KCNH8: variants seen among roughly 807,000 people sequenced by gnomAD.
KCNH8 encodes potassium voltage-gated channel subfamily H member 8, also known as voltage-gated delayed rectifier potassium channel KCNH8.
A neutral mutation model predicts 103.6 loss-of-function variants in KCNH8; 70 were observed. The ratio of observed to expected loss-of-function variants is 0.68; its 90% CI spans 0.56 to 0.82. The LOEUF (loss-of-function observed/expected upper bound fraction) is 0.82, where lower values mean the gene tolerates loss of function less well. KCNH8 is among the 40% of genes least tolerant of loss of function. The pLI, the probability that KCNH8 is intolerant of heterozygous loss-of-function variation, is 0.00. For synonymous variants in KCNH8, 498 were observed against 489.4 expected (o/e 1.02, Z -0.23); for missense variants, 1,217 against 1,329.9 (o/e 0.92, Z 1.32).
At chr3:19,181,441 G>C (rs913361208) in intron 1 of KCNH8, among the ~76,000 whole-genome samples, 1 of 151,988 alleles carries the variant, frequency 6.6e-6, no homozygotes, top group Middle Eastern at 3.4e-3. Context: ...AACAAGCTTG[G>C]GTTTCTGAAT....
chr3:19,449,010 T>C (rs1042815196), intron 8 of KCNH8: 10 of 1,272,156 alleles, frequency 7.9e-6, no homozygotes, highest in Non-Finnish European at 1.0e-5. Context: ...TGCTAATGAC[T>C]AGTGAGTGCA....
intron 11 of KCNH8, among the ~76,000 whole-genome samples, chr3:19,464,306 T>A (rs2067692465): frequency 1.3e-5 from 2 of 152,130 alleles, no homozygotes; most frequent in African/African-American, 4.8e-5. Flanking sequence ...TATCAATTAA[T>A]GATGATGTAT....
chr3:19,273,889 T>A (rs2064625531), intron 2 of KCNH8, among the ~76,000 whole-genome samples: 1 of 152,218 alleles, frequency 6.6e-6, no homozygotes, highest in Non-Finnish European at 1.5e-5. Context: ...CTAAAATAGC[T>A]GAATCTTGTT....
chr3:19,223,817 A>T (rs1201326546), intron 1 of KCNH8, among the ~76,000 whole-genome samples: 1 of 152,108 alleles, frequency 6.6e-6, no homozygotes. Context: ...TGGGGGGGAA[A>T]TTTAAAAAGT....
intron 5 of KCNH8, among the ~76,000 whole-genome samples, chr3:19,375,880 G>C (rs1352468319): frequency 2.6e-5 from 4 of 152,154 alleles, no homozygotes; most frequent in Non-Finnish European, 5.9e-5. Context: ...AGGTGTCAGT[G>C]TGCCCTTGCT....
intron 1 of KCNH8, among the ~76,000 whole-genome samples, chr3:19,226,948 C>T (rs1312724249): frequency 4.6e-5 from 7 of 152,202 alleles, no homozygotes; most frequent in Non-Finnish European, 8.8e-5. Context: ...GTCCACTAGA[C>T]CTCAAGACTT....
intron 1 of KCNH8, among the ~76,000 whole-genome samples, chr3:19,235,351 A>T (rs192966789): frequency 6.6e-6 from 1 of 151,824 alleles, no homozygotes; most frequent in Non-Finnish European, 1.5e-5. Context: ...TGCTGTTTAT[A>T]TACACAAAAA....
chr3:19,356,830 C>T (rs1237457137), intron 5 of KCNH8, among the ~76,000 whole-genome samples: 1 of 151,778 alleles, frequency 6.6e-6, no homozygotes, highest in Non-Finnish European at 1.5e-5. Context: ...TTTCACTCAA[C>T]TTGCTTTTCT....
intron 1 of KCNH8, among the ~76,000 whole-genome samples, chr3:19,156,344 A>G (rs1483964595): frequency 6.6e-6 from 1 of 152,166 alleles, no homozygotes; most frequent in Non-Finnish European, 1.5e-5. Context: ...CTACTATATC[A>G]TACTGCCTCT....
chr3:19,292,191 T>C (rs1194757893), intron 3 of KCNH8, among the ~76,000 whole-genome samples: 2 of 152,232 alleles, frequency 1.3e-5, no homozygotes, highest in African/African-American at 4.8e-5. Context: ...TGCTTTGGAA[T>C]GTTGGTTGAT....
chr3:19,413,454 G>A (rs2066813677), intron 7 of KCNH8, among the ~76,000 whole-genome samples: 1 of 151,982 alleles, frequency 6.6e-6, no homozygotes, highest in African/African-American at 2.4e-5. Context: ...CGTGGGTGAT[G>A]GGATTATTCA....
intron 1 of KCNH8, among the ~76,000 whole-genome samples, chr3:19,192,292 A>G (rs1051315737): frequency 6.6e-6 from 1 of 151,702 alleles, no homozygotes; most frequent in African/African-American, 2.4e-5. Context: ...CTACTTTGAT[A>G]GAATGTACTC....
chr3:19,276,166 A>G (rs1330677543), intron 2 of KCNH8, among the ~76,000 whole-genome samples: 1 of 128,988 alleles, frequency 7.8e-6, no homozygotes, highest in Non-Finnish European at 1.6e-5. Flanking sequence ...CTCCCACCCC[A>G]ATATGTATAT....
intron 7 of KCNH8, among the ~76,000 whole-genome samples, chr3:19,397,560 T>C (rs990954817): frequency 6.6e-6 from 1 of 150,946 alleles, no homozygotes; most frequent in Non-Finnish European, 1.5e-5. Context: ...TGTGTGTATA[T>C]ATACATATAT....
chr3:19,476,956 G>A (rs568203920), intron 11 of KCNH8, among the ~76,000 whole-genome samples: 57 of 152,202 alleles, frequency 3.7e-4, no homozygotes, highest in Admixed American at 1.2e-3. Flanking sequence ...CTTATTGACT[G>A]TATTCACACC....
At chr3:19,377,061 A>G (rs1294738225) in intron 5 of KCNH8, among the ~76,000 whole-genome samples, 1 of 152,240 alleles carries the variant, frequency 6.6e-6, no homozygotes, top group African/African-American at 2.4e-5. Flanking sequence ...AATGTCTAGA[A>G]TACAATGGGA....
chr3:19,513,027 G>A lies in KCNH8; in HGVS notation c.2137G>A (p.Glu713Lys), dbSNP rs373577840. The change falls in exon 13 of 16, where the codon GAG (glutamate) becomes AAG (lysine). Residue 713 changes from glutamate (E) to lysine (K), a missense_variant. By Grantham distance (56) the Glu-to-Lys change is moderately conservative (BLOSUM62 1). Transcript: ENST00000328405. ...NKRLPSIVED[E>K]EEEEEGEEEE... Reference sequence around the variant, plus strand: ...GCGACTCCCATCCATTGTGGAAGATGAGGAAGAGGAGGAGGAGGGGGAGGA... The same window carrying A: ...GCGACTCCCATCCATTGTGGAAGATAAGGAAGAGGAGGAGGAGGGGGAGGA... 4 of 1,613,698 alleles carry A rather than the reference G, an allele frequency of 2.5e-6. No homozygotes were observed. The African/African-American group carries it at 5.3e-5, about 22-fold the overall frequency.
At chr3:19,402,618 T>C (rs188981594) in intron 7 of KCNH8, among the ~76,000 whole-genome samples, 3 of 152,006 alleles carry the variant, frequency 2.0e-5, no homozygotes, top group East Asian at 1.9e-4. Context: ...GGAATGTGTA[T>C]ATGCTATACC....
At chr3:19,386,162 CTT>C (rs1478493320) in intron 5 of KCNH8, among the ~76,000 whole-genome samples, 2 of 151,860 alleles carry the variant, frequency 1.3e-5, no homozygotes, top group Admixed American at 1.3e-4. Context: ...TAAATAGACA[CTT>C]AGTGTGGGAG....
Sources: allele counts gnomAD v4.1 joint callset (sites outside exome capture counted in the v4.1 genomes callset), GRCh38; gene constraint gnomAD v4.1.1; transcripts MANE v1.5; gene names NCBI Gene and HGNC (gene_info 2026-07-23, HGNC 2026-07-21).